AKR1C8: variants seen among roughly 807,000 people sequenced by gnomAD.
AKR1C8 encodes the protein aldo-keto reductase family 1 member C-like protein 1.
the AKR1C8 span, among the ~76,000 whole-genome samples, chr10:5,116,005 GT>G: frequency 6.6e-6 from 1 of 152,050 alleles, no homozygotes; most frequent in African/African-American, 2.4e-5. Context: ...AGCAGGTCAT[GT>G]TTTTTTCCTG....
At chr10:5,171,116 A>T in the AKR1C8 span, among the ~76,000 whole-genome samples, 1 of 152,150 alleles carries the variant, frequency 6.6e-6, no homozygotes, top group Non-Finnish European at 1.5e-5. Context: ...TTAACATTTT[A>T]GCTCTTTAAA....
At chr10:5,139,843 A>G in the AKR1C8 span, among the ~76,000 whole-genome samples, 9 of 152,318 alleles carry the variant, frequency 5.9e-5, no homozygotes, top group South Asian at 1.9e-3. Context: ...AGGAACTACC[A>G]TCAGAGTGAA....
chr10:5,178,051 A>C, the AKR1C8 span, among the ~76,000 whole-genome samples: 1 of 151,946 alleles, frequency 6.6e-6, no homozygotes, highest in Admixed American at 6.5e-5. Context: ...TTGCTTTTCT[A>C]GTTCTTTTAA....
At chr10:5,176,642 C>T in the AKR1C8 span, among the ~76,000 whole-genome samples, 92 of 152,158 alleles carry the variant, frequency 6.0e-4, no homozygotes, top group South Asian at 3.9e-3. Flanking sequence ...TTTGTATCCT[C>T]TTTTATTTCC....
At chr10:5,160,824 AC>A in the AKR1C8 span, 1 of 471,138 alleles carries the variant, frequency 2.1e-6, no homozygotes, top group Admixed American at 2.3e-5. Flanking sequence ...CCCAAGTGTC[AC>A]AAAGCTCCAC....
chr10:5,162,737 T>C, the AKR1C8 span: 1 of 375,248 alleles, frequency 2.7e-6, no homozygotes, highest in Non-Finnish European at 5.4e-6. Context: ...TTCTATAATA[T>C]GCCTTCATAA....
chr10:5,121,305 C>T, the AKR1C8 span, among the ~76,000 whole-genome samples: 230 of 152,182 alleles, frequency 1.5e-3, 1 homozygote, highest in African/African-American at 5.0e-3. Context: ...TTCAGATGGA[C>T]AAAGATGACA....
chr10:5,156,942 G>A, the AKR1C8 span, among the ~76,000 whole-genome samples: 1 of 152,156 alleles, frequency 6.6e-6, no homozygotes, highest in Non-Finnish European at 1.5e-5. Flanking sequence ...AACAAAATAA[G>A]TTGGAGACCT....
the AKR1C8 span, among the ~76,000 whole-genome samples, chr10:5,140,564 A>G: frequency 6.6e-6 from 1 of 151,336 alleles, no homozygotes; most frequent in African/African-American, 2.4e-5. Flanking sequence ...ACCAAACACC[A>G]CATGTTCTCA....
At chr10:5,177,579 GTAGAA>G in the AKR1C8 span, among the ~76,000 whole-genome samples, 1 of 152,266 alleles carries the variant, frequency 6.6e-6, no homozygotes, top group Middle Eastern at 3.4e-3. Context: ...TGTACCTGTG[GTAGAA>G]TTCGGCTGTG....
At chr10:5,132,783 G>T in the AKR1C8 span, 1 of 1,188,562 alleles carries the variant, frequency 8.4e-7, no homozygotes, top group Non-Finnish European at 1.2e-6. Context: ...GAGGAGTAAT[G>T]AAAAGTAGTA....
At chr10:5,125,926 G>A in the AKR1C8 span, among the ~76,000 whole-genome samples, 4 of 152,168 alleles carry the variant, frequency 2.6e-5, no homozygotes, top group Non-Finnish European at 4.4e-5. Context: ...ACTGTAGTCT[G>A]GCTCTCAGGA....
At chr10:5,165,476 C>A in the AKR1C8 span, among the ~76,000 whole-genome samples, 1 of 152,082 alleles carries the variant, frequency 6.6e-6, no homozygotes, top group African/African-American at 2.4e-5. Flanking sequence ...TTCTATATCC[C>A]TCTAATAGTG....
chr10:5,177,959 T>A, the AKR1C8 span, among the ~76,000 whole-genome samples: 5 of 152,258 alleles, frequency 3.3e-5, no homozygotes, highest in South Asian at 1.0e-3. Context: ...TTTTGAAGGG[T>A]TTTTTGTGTC....
the AKR1C8 span, among the ~76,000 whole-genome samples, chr10:5,119,448 A>C: frequency 6.6e-6 from 1 of 152,230 alleles, no homozygotes; most frequent in Admixed American, 6.6e-5. Flanking sequence ...ACAAGCATAA[A>C]TATTTGCATA....
chr10:5,176,027 G>A, the AKR1C8 span, among the ~76,000 whole-genome samples: 2 of 151,834 alleles, frequency 1.3e-5, no homozygotes, highest in Non-Finnish European at 2.9e-5. Flanking sequence ...ATTGCTTTTG[G>A]TGTTTTAGAC....
At chr10:5,145,912 G>A in the AKR1C8 span, among the ~76,000 whole-genome samples, 340 of 151,992 alleles carry the variant, frequency 2.2e-3, 3 homozygotes, top group Non-Finnish European at 3.4e-3. Flanking sequence ...TGTTTATTGC[G>A]GCACTATTCA....
At chr10:5,166,402 A>T in the AKR1C8 span, among the ~76,000 whole-genome samples, 1 of 152,244 alleles carries the variant, frequency 6.6e-6, no homozygotes, top group Non-Finnish European at 1.5e-5. Context: ...ACAAGGCTAC[A>T]GTACCCAAAA....
the AKR1C8 span, among the ~76,000 whole-genome samples, chr10:5,128,230 A>G: frequency 5.9e-5 from 9 of 152,170 alleles, no homozygotes; most frequent in Non-Finnish European, 1.3e-4. Context: ...AAAACAAATG[A>G]TGAAGGAATT....
Sources: gnomAD v4.1 joint callset for allele counts (sites outside exome capture counted in the v4.1 genomes callset) on GRCh38, gnomAD v4.1.1 for gene constraint, MANE v1.5 for transcripts, NCBI Gene and HGNC (gene_info 2026-07-23, HGNC 2026-07-21) for gene names.